The following CDK14 variants were observed in gnomAD, a reference collection of about 807,000 sequenced individuals.
CDK14 encodes cyclin dependent kinase 14.
A neutral mutation model predicts 60.7 loss-of-function variants in CDK14; 34 were observed. The observed-to-expected ratio is 0.56, with a 90% CI of 0.43 to 0.75. CDK14 has a LOEUF of 0.75. Among genes scored for constraint, CDK14 ranks in the 30% least tolerant of loss-of-function variants. CDK14 has a pLI of 0.00. For missense variants in CDK14, 482 were observed against 564.1 expected (o/e 0.85, Z 1.47); for synonymous variants, 197 against 203.7 (o/e 0.97, Z 0.28).
chr7:90,601,729 T>C (rs1799316731), intron 1 of CDK14, among the ~76,000 whole-genome samples: 1 of 152,086 alleles, frequency 6.6e-6, no homozygotes, highest in African/African-American at 2.4e-5. Flanking sequence ...CATTCCATAT[T>C]TGCAGTTCCC....
chr7:90,736,294 C>T (rs1803103200), intron 3 of CDK14, among the ~76,000 whole-genome samples: 1 of 145,488 alleles, frequency 6.9e-6, no homozygotes, highest in African/African-American at 2.6e-5. Context: ...ATCCTGTCTG[C>T]TGCCTTTTTG....
At chr7:90,605,018 G>T (rs1799388956) in intron 2 of CDK14, among the ~76,000 whole-genome samples, 1 of 152,178 alleles carries the variant, frequency 6.6e-6, no homozygotes, top group South Asian at 2.1e-4. Context: ...AGGAACATGG[G>T]TGTTATCTAT....
intron 5 of CDK14, among the ~76,000 whole-genome samples, chr7:90,827,869 TTGTAAACCCAATAAA>T (rs1310743768): frequency 6.6e-6 from 1 of 152,252 alleles, no homozygotes; most frequent in African/African-American, 2.4e-5. Context: ...AAAGCTTTTC[TTGTAAACCCAATAAA>T]ACAAAATTTG....
At chr7:91,138,432 T>G (rs1014433702) in intron 14 of CDK14, among the ~76,000 whole-genome samples, 8 of 152,146 alleles carry the variant, frequency 5.3e-5, no homozygotes, top group Non-Finnish European at 1.2e-4. Context: ...AGATGGCATT[T>G]GAGATGGATT....
At chr7:90,848,220 G>C (rs986005440) in intron 5 of CDK14, among the ~76,000 whole-genome samples, 3 of 152,106 alleles carry the variant, frequency 2.0e-5, no homozygotes, top group Non-Finnish European at 4.4e-5. Context: ...TCCCACCTCA[G>C]CCTCCCAAAT....
At position 91,056,230 on chromosome 7, in the gene CDK14, A is replaced by G. The variant is rs143803685; in HGVS notation, c.1105+10270A>G. Among the ~76,000 whole-genome samples, 777 of 152,254 alleles carry G rather than the reference A, an allele frequency of 5.1e-3. 4 individuals are homozygous for G. The highest frequency in any genetic ancestry group is 0.01 in the Middle Eastern group (3 of 294). On this transcript the variant is annotated intron_variant, in intron 11 of 14. Transcript: ENST00000380050. ...GGACTTCACTAAGCCAAAAGCTTGC[A>G]CAGCTGTCCAGTTTGACCGGGGATT...
At chr7:90,871,296 A>G (rs762212982) in intron 6 of CDK14, among the ~76,000 whole-genome samples, 2 of 152,188 alleles carry the variant, frequency 1.3e-5, no homozygotes, top group African/African-American at 4.8e-5. Context: ...TTAAAAAAAG[A>G]AAGCATCCCA....
At chr7:91,184,025 C>T (rs951068129) in intron 14 of CDK14, among the ~76,000 whole-genome samples, 2 of 151,940 alleles carry the variant, frequency 1.3e-5, no homozygotes, top group Non-Finnish European at 2.9e-5. Flanking sequence ...TGAGTAAGAC[C>T]TGTCTCTACT....
At chr7:90,784,237 A>C (rs1180384879) in intron 4 of CDK14, among the ~76,000 whole-genome samples, 3 of 152,168 alleles carry the variant, frequency 2.0e-5, no homozygotes, top group South Asian at 4.1e-4. Flanking sequence ...ATGGAGGTAG[A>C]GTAGAATGAT....
At chr7:91,197,640 A>G (rs913288110) in intron 14 of CDK14, among the ~76,000 whole-genome samples, 27 of 152,220 alleles carry the variant, frequency 1.8e-4, no homozygotes, top group Non-Finnish European at 4.4e-5. Flanking sequence ...CTTTCTTCAA[A>G]GGTCCTATCT....
At chr7:91,160,038 G>A (rs813003) in intron 14 of CDK14, among the ~76,000 whole-genome samples, 67,231 of 152,050 alleles carry the variant, frequency 0.44, 15,479 homozygotes, top group Middle Eastern at 0.52. Context: ...GAAGCATACT[G>A]CTTTTGTCTG....
chr7:91,102,626 A>AC (rs888985779), intron 12 of CDK14, among the ~76,000 whole-genome samples: 30 of 152,088 alleles, frequency 2.0e-4, no homozygotes, highest in African/African-American at 7.2e-4. Context: ...GTAAAAAAAA[A>AC]AAACCCTAAA....
chr7:91,030,314 A>C (rs958038856), intron 10 of CDK14, among the ~76,000 whole-genome samples: 1 of 152,202 alleles, frequency 6.6e-6, no homozygotes, highest in South Asian at 2.1e-4. Context: ...CAAAGCCCTA[A>C]AAATAGCAGC....
intron 14 of CDK14, among the ~76,000 whole-genome samples, chr7:91,191,571 C>G (rs10247353): frequency 0.014 from 2,105 of 151,376 alleles, 52 homozygotes; most frequent in African/African-American, 0.047. Flanking sequence ...ATATACATAA[C>G]TTATTTTCAG....
chr7:91,025,458 G>T (rs1562873059), intron 10 of CDK14, among the ~76,000 whole-genome samples: 1 of 152,164 alleles, frequency 6.6e-6, no homozygotes, highest in Non-Finnish European at 1.5e-5. Flanking sequence ...AGAACAGTGA[G>T]TTTTATGACT....
intron 12 of CDK14, among the ~76,000 whole-genome samples, chr7:91,088,181 A>T (rs188124649): frequency 6.6e-6 from 1 of 152,354 alleles, no homozygotes; most frequent in African/African-American, 2.4e-5. Context: ...GGGAAGGTAG[A>T]TGAATTATCT....
intron 11 of CDK14, among the ~76,000 whole-genome samples, chr7:91,051,357 A>G (rs1029088414): frequency 3.9e-5 from 6 of 152,198 alleles, no homozygotes. Context: ...CTATTTTTCC[A>G]TCATTTACTT....
At chr7:90,692,613 AG>A (rs1443726164) in intron 2 of CDK14, 2 of 833,000 alleles carry the variant, frequency 2.4e-6, no homozygotes, top group African/African-American at 3.7e-5. Context: ...AGAATGCATG[AG>A]GGCTCTGCCT....
intron 8 of CDK14, among the ~76,000 whole-genome samples, chr7:90,920,674 T>C (rs1040675596): frequency 1.3e-5 from 2 of 152,224 alleles, no homozygotes; most frequent in Non-Finnish European, 2.9e-5. Flanking sequence ...AGCTAGGAAA[T>C]TATTGATCGT....
Sources: gnomAD v4.1 joint callset for allele counts (sites outside exome capture counted in the v4.1 genomes callset) on GRCh38, gnomAD v4.1.1 for gene constraint, MANE v1.5 for transcripts, NCBI Gene and HGNC (gene_info 2026-07-23, HGNC 2026-07-21) for gene names.